The following MAOB variants were observed in gnomAD, a reference collection of about 807,000 sequenced individuals.
MAOB encodes monoamine oxidase B.
A neutral mutation model predicts 41.9 loss-of-function variants in MAOB; 15 were observed. The ratio of observed to expected loss-of-function variants is 0.36; its 90% CI spans 0.24 to 0.55. The LOEUF (loss-of-function observed/expected upper bound fraction) is 0.55. Ranked by LOEUF, MAOB falls within the 20% of genes least tolerant of loss-of-function variation. MAOB has a pLI of 0.86. For synonymous variants in MAOB, 167 were observed against 144.2 expected, an observed-to-expected ratio of 1.16 and a Z score of -1.13; for missense variants, 345 against 398.7, an observed-to-expected ratio of 0.87 and a Z score of 1.15.
intron 8 of MAOB, among the ~76,000 whole-genome samples, chrX:43,786,351 C>T (rs181533872): frequency 3.5e-3 from 389 of 111,595 alleles, no homozygotes; most frequent in Middle Eastern, 4.6e-3. Context: ...GAAAGGACCT[C>T]CCCAACATGT....
At position 43,820,171 on chromosome X, in the gene MAOB, G is replaced by A. The variant is rs998273177; in HGVS notation, c.280-16767C>T. Among the ~76,000 whole-genome samples, 4 of 111,896 alleles carry A rather than the reference G, an allele frequency of 3.6e-5. No homozygotes were observed. The Admixed American group carries it at 3.8e-4, about 11-fold the overall frequency. ...CTTGTCTTCCATGCATTTTTAACAT[G>A]TTCTATCAGCTGTATTAGCTTAAGT... is the stretch of plus-strand genomic sequence containing the variant. On this transcript the variant is annotated intron_variant, in intron 3 of 14. Coordinates refer to ENST00000378069, the MANE Select transcript of MAOB (RefSeq NM_000898.5).
chrX:43,800,540 T>C (rs2034580227), intron 5 of MAOB, among the ~76,000 whole-genome samples: 1 of 111,368 alleles, frequency 9.0e-6, no homozygotes, highest in Non-Finnish European at 1.9e-5. Flanking sequence ...GATTTTACTA[T>C]TCCAGAACTG....
intron 2 of MAOB, among the ~76,000 whole-genome samples, chrX:43,841,554 A>G (rs2035137266): frequency 8.9e-6 from 1 of 112,055 alleles, no homozygotes; most frequent in South Asian, 3.7e-4. Flanking sequence ...AACAGAAAAA[A>G]CAATCCTTAA....
At chrX:43,797,988 A>C (rs2034548701) in intron 5 of MAOB, among the ~76,000 whole-genome samples, 2 of 112,004 alleles carry the variant, frequency 1.8e-5, no homozygotes, top group Admixed American at 1.9e-4. Flanking sequence ...TTTCTGTCTC[A>C]TCTTGTACCC....
intron 1 of MAOB, among the ~76,000 whole-genome samples, chrX:43,857,672 C>T (rs987323029): frequency 9.0e-6 from 1 of 110,871 alleles, no homozygotes; most frequent in African/African-American, 3.3e-5. Flanking sequence ...AAAACAACTT[C>T]CACCTCCCAC....
At chrX:43,801,740 G>A (rs1290505319) in intron 5 of MAOB, among the ~76,000 whole-genome samples, 1 of 113,044 alleles carries the variant, frequency 8.8e-6, no homozygotes, top group Non-Finnish European at 1.9e-5. Flanking sequence ...GGCTTTAGAG[G>A]TTCCTCTTTA....
At chrX:43,836,198 C>G (rs769428395) in intron 3 of MAOB, among the ~76,000 whole-genome samples, 39 of 111,976 alleles carry the variant, frequency 3.5e-4, no homozygotes, top group South Asian at 7.5e-4. Context: ...CAACTACATT[C>G]TCTAGTATGT....
intron 1 of MAOB, among the ~76,000 whole-genome samples, chrX:43,849,734 C>A (rs1288021004): frequency 8.9e-6 from 1 of 112,671 alleles, no homozygotes; most frequent in Non-Finnish European, 1.9e-5. Flanking sequence ...AATGCTAGTA[C>A]ACAGTTGGCA....
intron 8 of MAOB, among the ~76,000 whole-genome samples, chrX:43,786,359 T>C (rs925555438): frequency 1.8e-5 from 2 of 111,606 alleles, no homozygotes; most frequent in Non-Finnish European, 1.9e-5. Flanking sequence ...CTCCCCAACA[T>C]GTGTGCATAC....
intron 1 of MAOB, among the ~76,000 whole-genome samples, chrX:43,865,362 A>T (rs2035358421): frequency 8.9e-6 from 1 of 112,047 alleles, no homozygotes; most frequent in South Asian, 3.7e-4. Context: ...ACATCTAGAG[A>T]CAGAAAGTAG....
chrX:43,860,476 C>T (rs1471172597), intron 1 of MAOB, among the ~76,000 whole-genome samples: 1 of 111,389 alleles, frequency 9.0e-6, no homozygotes, highest in Non-Finnish European at 1.9e-5. Flanking sequence ...ACCACTCTGG[C>T]CTCCAGTCAA....
Position 43,769,297 on chromosome X carries a change from C to T in MAOB, c.1347+10G>A. 1.7e-6 allele frequency: 2 copies of T among 1,198,636 alleles called. No individual in the cohort carries two copies. Among genetic ancestry groups the T allele is most frequent in the Non-Finnish European group, 2.2e-6 (2 of 890,020 alleles). On this transcript the variant is annotated intron_variant, in intron 13 of 14. Transcript: ENST00000378069. ...CCTCCTTCCCCATAATCTATGACCC[C>T]AGACCCTACCTCTCGGGCTGCTCTC...
chrX:43,877,457 G>A (rs1247925264), intron 1 of MAOB, among the ~76,000 whole-genome samples: 1 of 111,064 alleles, frequency 9.0e-6, no homozygotes, highest in East Asian at 2.8e-4. Context: ...AAAGAACAAG[G>A]CTTTGTCATT....
rs369585911 is a variant in MAOB at position 43,788,936 on chromosome X, C to T, written c.928+4483G>A. Among the ~76,000 whole-genome samples, 3 of 110,792 alleles carry T rather than the reference C, an allele frequency of 2.7e-5. No homozygotes were observed. The East Asian group carries it at 8.5e-4, about 31-fold the overall frequency. ...AAGTACAGGTTGAGTATCCTTATCC[C>T]TTATATGAAATGTTTGAGACAAGAA... On this transcript the variant is annotated intron_variant, in intron 8 of 14. Transcript: ENST00000378069.
chrX:43,882,185 C>T, intron 1 of MAOB, 69 bp downstream of exon 1: 1 of 1,185,127 alleles, frequency 8.4e-7, no homozygotes, highest in Non-Finnish European at 1.1e-6. Flanking sequence ...GGCCGCCCCC[C>T]GCGTCTCCCC....
intron 5 of MAOB, 65 bp downstream of exon 5, chrX:43,802,107 C>T (rs751336657): frequency 1.1e-5 from 10 of 885,017 alleles, no homozygotes; most frequent in East Asian, 3.3e-5. Context: ...ACTTGTTGAA[C>T]GGTATTGCTA....
chrX:43,864,823 C>T (rs1433650842), intron 1 of MAOB, among the ~76,000 whole-genome samples: 1 of 111,228 alleles, frequency 9.0e-6, no homozygotes, highest in African/African-American at 3.3e-5. Flanking sequence ...GGATCTCTCC[C>T]AGCACCAACC....
chrX:43,853,097 T>A (rs2035262480), intron 1 of MAOB, among the ~76,000 whole-genome samples: 1 of 108,040 alleles, frequency 9.3e-6, no homozygotes, highest in African/African-American at 3.4e-5. Flanking sequence ...TGAAACCCCA[T>A]CTCTACTAAA....
intron 1 of MAOB, among the ~76,000 whole-genome samples, chrX:43,846,574 T>C (rs952952423): frequency 1.8e-5 from 2 of 111,110 alleles, no homozygotes; most frequent in African/African-American, 6.5e-5. Flanking sequence ...AAAAAATTGG[T>C]CCAAATATCA....
Sources: gnomAD v4.1 joint callset for allele counts (sites outside exome capture counted in the v4.1 genomes callset) on GRCh38, gnomAD v4.1.1 for gene constraint, MANE v1.5 for transcripts, NCBI Gene and HGNC (gene_info 2026-07-23, HGNC 2026-07-21) for gene names.